The following SPSB1 variants were observed in gnomAD, a reference collection of about 807,000 sequenced individuals.
The protein encoded by SPSB1 is SPRY domain-containing SOCS box protein 1.
Under a neutral mutation model 21.2 loss-of-function variants are expected in SPSB1, and 8 were observed. The observed-to-expected ratio is 0.38, with a 90% CI of 0.22 to 0.68. The LOEUF (loss-of-function observed/expected upper bound fraction) is 0.68, where lower values mean the gene tolerates loss of function less well. Ranked by LOEUF, SPSB1 falls within the 30% of genes least tolerant of loss-of-function variation. The pLI is 0.53. For missense variants in SPSB1, 242 were observed against 377.8 expected (o/e 0.64, Z 2.98); for synonymous variants, 169 against 161.7 (o/e 1.05, Z -0.34).
Position 9,293,061 on chromosome 1 carries a change from C to T in SPSB1, c.-160C>T, listed in dbSNP as rs927937096. ...TTGGAGAGCAGCGGCGGCGGCGGCA[C>T]CCCGGGCGCGGTAGGCGGCGCGGGG... On this transcript the variant is annotated 5_prime_UTR_variant, in exon 1 of 3. Coordinates refer to ENST00000328089, the MANE Select transcript of SPSB1 (RefSeq NM_025106.4). The surrounding 1 kb of genome is among the most constrained non-coding windows in gnomAD (Gnocchi z 5.1). The T allele has an allele frequency of 3.1e-6, 3 of 980,520 alleles. No homozygotes were observed. The highest frequency in any genetic ancestry group is 3.5e-5 in the African/African-American group (2 of 56,576). The allele number at this position is 980,520 out of a possible 1,614,324, so 60.7% of individuals were successfully genotyped here.
In SPSB1 at chr1:9,355,764, C is replaced by G. The variant is rs928736110; in HGVS notation, c.-128C>G. The stretch of plus-strand genomic sequence containing the variant: ...TTAGGCAATACTGAACACTGCGCAG[C>G]TTGCAGAGGTCTCCTGGCAGCCCTC... On this transcript the variant is annotated 5_prime_UTR_variant, in exon 2 of 3. Transcript: ENST00000328089. 1.3e-6 allele frequency: 2 copies of G among 1,481,736 alleles called. No individual in the cohort carries two copies. Among genetic ancestry groups the G allele is most frequent in the Admixed American group, 5.0e-5 (2 of 39,966 alleles). The allele number at this position is 1,481,736 out of a possible 1,614,324, so 91.8% of individuals were successfully genotyped here. A position where few individuals can be genotyped will look rare whatever the true frequency, so the allele number is the denominator to read the frequency against.
rs965054394 is a variant in SPSB1, at chr1:9,292,899, G to A, written c.-322G>A. The A allele has an allele frequency of 1.0e-6, 1 of 981,718 alleles. No individual in the cohort carries two copies. The highest frequency in any genetic ancestry group is 1.8e-5 in the African/African-American group (1 of 56,512). The allele number at this position is 981,718 out of a possible 1,614,324, so 60.8% of individuals were successfully genotyped here. On this transcript the variant is annotated 5_prime_UTR_variant, in exon 1 of 3. Coordinates refer to ENST00000328089, the MANE Select transcript of SPSB1 (RefSeq NM_025106.4). ...TCGGTTGCTTTTTCTCCTCCGCACA[G>A]AAGTCGCGCTCGGGCAGCCTGCGCG...
intron 2 of SPSB1, among the ~76,000 whole-genome samples, chr1:9,357,157 A>ATGAG (rs1557465661): frequency 1.4e-5 from 2 of 146,704 alleles, no homozygotes; most frequent in African/African-American, 5.0e-5. Flanking sequence ...GGGTGGATGG[A>ATGAG]TGGGTGGATG....
intron 1 of SPSB1, among the ~76,000 whole-genome samples, chr1:9,308,921 A>G (rs1639466788): frequency 6.6e-6 from 1 of 152,116 alleles, no homozygotes; most frequent in South Asian, 2.1e-4. Context: ...CAGGCCCCTG[A>G]GAGCCTGTGG....
intron 1 of SPSB1, among the ~76,000 whole-genome samples, chr1:9,353,347 G>A (rs946721268): frequency 7.9e-5 from 12 of 152,122 alleles, no homozygotes; most frequent in Non-Finnish European, 1.2e-4. Flanking sequence ...AGCTTGAGGC[G>A]CAGGCCCCAA....
chr1:9,331,739 GCTCTCC>G (rs1639923828), intron 1 of SPSB1, among the ~76,000 whole-genome samples: 1 of 152,118 alleles, frequency 6.6e-6, no homozygotes, highest in African/African-American at 2.4e-5. Flanking sequence ...GTTGGTACTT[GCTCTCC>G]GCTTCCTGTG....
chr1:9,308,460 A>T (rs1198947146), intron 1 of SPSB1, among the ~76,000 whole-genome samples: 1 of 152,226 alleles, frequency 6.6e-6, no homozygotes, highest in Non-Finnish European at 1.5e-5. Flanking sequence ...CTAAGCTGTC[A>T]TCAACTGGGG....
At chr1:9,365,407 G>A (rs1473707031) in intron 2 of SPSB1, among the ~76,000 whole-genome samples, 2 of 152,154 alleles carry the variant, frequency 1.3e-5, no homozygotes, top group Non-Finnish European at 2.9e-5. Context: ...ATGAGCCACT[G>A]TGCCTGACCT....
In SPSB1 at chr1:9,321,389, TC is replaced by T. The variant is rs1445523306; in HGVS notation, c.-150+28319del. On this transcript the variant is annotated intron_variant, in intron 1 of 2. Coordinates refer to ENST00000328089, the MANE Select transcript of SPSB1 (RefSeq NM_025106.4). This position sits in a 1 kb window ranked among gnomAD's most constrained non-coding sequence, Gnocchi z 4.8. Reference sequence around the variant, plus strand: ...GTGGGCTCCGAGCTCCAGGGCCCATTCTTGGGAGAGAGCGGATCCTGTGTGA... The same window carrying T: ...GTGGGCTCCGAGCTCCAGGGCCCATTTTGGGAGAGAGCGGATCCTGTGTGA... Among the ~76,000 whole-genome samples the T allele has an allele frequency of 6.6e-6, 1 of 152,130 alleles. No individual in the cohort carries two copies. Among genetic ancestry groups the T allele is most frequent in the Non-Finnish European group, 1.5e-5 (1 of 68,020 alleles).
At chr1:9,307,530 T>C (rs749174615) in intron 1 of SPSB1, among the ~76,000 whole-genome samples, 2 of 152,184 alleles carry the variant, frequency 1.3e-5, no homozygotes, top group Non-Finnish European at 2.9e-5. Flanking sequence ...CTAATTAAAT[T>C]TTGCATGGAA....
chr1:9,351,209 C>G (rs1356386483), intron 1 of SPSB1, among the ~76,000 whole-genome samples: 1 of 152,234 alleles, frequency 6.6e-6, no homozygotes, highest in Non-Finnish European at 1.5e-5. Context: ...TAGTTACTAT[C>G]TGGCCCCTGA....
At chr1:9,312,037 G>A (rs1250525778) in intron 1 of SPSB1, among the ~76,000 whole-genome samples, 1 of 152,192 alleles carries the variant, frequency 6.6e-6, no homozygotes, top group African/African-American at 2.4e-5. Flanking sequence ...AGGCTGGAGT[G>A]CAGTGGCGTG....
chr1:9,316,868 C>G (rs567237241), intron 1 of SPSB1, among the ~76,000 whole-genome samples: 1 of 152,184 alleles, frequency 6.6e-6, no homozygotes, highest in African/African-American at 2.4e-5. Flanking sequence ...CTTGTGACCT[C>G]TCTGAGCCTC....
rs549176198 is a variant in SPSB1, at chr1:9,305,650, C to T, written c.-150+12579C>T. ...CCAGGTGTTCCGTTCTCAGACCAGA[C>T]TTCCTTCCATGCCCCGTGGGAGGTC... On this transcript the variant is annotated intron_variant, in intron 1 of 2. Coordinates refer to ENST00000328089, the MANE Select transcript of SPSB1 (RefSeq NM_025106.4). The surrounding 1 kb of genome is among the most constrained non-coding windows in gnomAD (Gnocchi z 4.8). Among the ~76,000 whole-genome samples, 1 of 152,220 alleles carries T rather than the reference C, an allele frequency of 6.6e-6. No individual in the cohort carries two copies. Among genetic ancestry groups the T allele is most frequent in the Non-Finnish European group, 1.5e-5 (1 of 68,042 alleles).
chr1:9,319,711 A>G (rs1195258400), intron 1 of SPSB1, among the ~76,000 whole-genome samples: 3 of 152,160 alleles, frequency 2.0e-5, no homozygotes, highest in Non-Finnish European at 4.4e-5. Context: ...TCTGCAGTGC[A>G]GAGCAGCCCC....
intron 1 of SPSB1, among the ~76,000 whole-genome samples, chr1:9,327,649 T>C (rs543121608): frequency 4.0e-5 from 6 of 151,800 alleles, no homozygotes; most frequent in African/African-American, 1.2e-4. Flanking sequence ...TGGGGGAGTG[T>C]GGGGGAGAAA....
intron 1 of SPSB1, among the ~76,000 whole-genome samples, chr1:9,294,266 C>G (rs1374105548): frequency 1.4e-5 from 1 of 71,998 alleles, no homozygotes; most frequent in African/African-American, 3.7e-5. Flanking sequence ...CCACACGTGT[C>G]TCTGTGTCTG....
Position 9,308,540 on chromosome 1 carries a change from C to T in SPSB1, c.-150+15469C>T, listed in dbSNP as rs1404015611. Among the ~76,000 whole-genome samples, 3 of 152,190 alleles carry T rather than the reference C, an allele frequency of 2.0e-5. No individual in the cohort carries two copies. In the South Asian group the frequency reaches 6.2e-4, roughly 32 times the overall value. On this transcript the variant is annotated intron_variant, in intron 1 of 2. Transcript: ENST00000328089. ...TGCCTTTTCCCTCCCATGCTGGGGC[C>T]GGCATTTAGTTTAGGGTGTCTCAGA... is the stretch of plus-strand genomic sequence containing the variant.
At chr1:9,359,975 G>A (rs181435155) in intron 2 of SPSB1, among the ~76,000 whole-genome samples, 113 of 152,322 alleles carry the variant, frequency 7.4e-4, no homozygotes, top group Non-Finnish European at 9.6e-4. Flanking sequence ...AGGTGAAGGC[G>A]GGGGCTGCTG....
Sources: allele counts gnomAD v4.1 joint callset (sites outside exome capture counted in the v4.1 genomes callset), GRCh38; gene constraint gnomAD v4.1.1; non-coding constraint Gnocchi (gnomAD v3.1); transcripts MANE v1.5; gene names NCBI Gene and HGNC (gene_info 2026-07-23, HGNC 2026-07-21).